The following PTPRR variants were observed in gnomAD, a reference collection of about 807,000 sequenced individuals.
The protein encoded by PTPRR is protein tyrosine phosphatase receptor type R.
Under a neutral mutation model 77.2 loss-of-function variants are expected in PTPRR, and 38 were observed. That is an observed-to-expected ratio of 0.49 (90% CI 0.38 to 0.65). The LOEUF (loss-of-function observed/expected upper bound fraction) is 0.65. PTPRR is among the 30% of genes least tolerant of loss of function. The pLI, the probability that PTPRR is intolerant of heterozygous loss-of-function variation, is 0.00. For missense variants in PTPRR, 744 were observed against 799.2 expected (o/e 0.93, Z 0.83); for synonymous variants, 299 against 283.1 (o/e 1.06, Z -0.57).
At chr12:70,821,602 A>T (rs1015580629) in intron 2 of PTPRR, among the ~76,000 whole-genome samples, 3 of 152,008 alleles carry the variant, frequency 2.0e-5, no homozygotes, top group Non-Finnish European at 2.9e-5. Context: ...AGGCTAGTGC[A>T]GCTGGAGCTT....
intron 6 of PTPRR, among the ~76,000 whole-genome samples, chr12:70,731,050 C>CAGGAAGGAAGGAGGAAGGCAAG (rs1889640429): frequency 1.8e-5 from 1 of 54,908 alleles, no homozygotes; most frequent in Non-Finnish European, 3.8e-5. Context: ...AGGAAGGAGA[C>CAGGAAGGAAGGAGGAAGGCAAG]AGAGAGGAAG....
intron 2 of PTPRR, among the ~76,000 whole-genome samples, chr12:70,857,349 A>C (rs1892670944): frequency 6.6e-6 from 1 of 152,106 alleles, no homozygotes; most frequent in Admixed American, 6.6e-5. Context: ...AGAAGCGAAC[A>C]TTTAACTGTC....
intron 2 of PTPRR, among the ~76,000 whole-genome samples, chr12:70,872,965 T>G (rs1892987496): frequency 6.6e-6 from 1 of 152,178 alleles, no homozygotes; most frequent in African/African-American, 2.4e-5. Flanking sequence ...GTGTTTTAAT[T>G]TATTTGATCA....
chr12:70,878,595 G>A (rs1273143308), intron 2 of PTPRR, among the ~76,000 whole-genome samples: 3 of 152,142 alleles, frequency 2.0e-5, no homozygotes, highest in Non-Finnish European at 2.9e-5. Flanking sequence ...AAAAAGTCAC[G>A]AAACAGCAGG....
intron 2 of PTPRR, among the ~76,000 whole-genome samples, chr12:70,808,772 C>T (rs1401934193): frequency 1.3e-5 from 2 of 152,130 alleles, no homozygotes; most frequent in Non-Finnish European, 2.9e-5. Flanking sequence ...TTGCCTCTTC[C>T]TCAGACATGC....
chr12:70,868,088 A>G (rs1361247741), intron 2 of PTPRR, among the ~76,000 whole-genome samples: 2 of 152,126 alleles, frequency 1.3e-5, no homozygotes, highest in Admixed American at 6.6e-5. Flanking sequence ...AAAACCCTAG[A>G]CGAAAACCTA....
At chr12:70,681,130 G>A (rs73329571) in intron 10 of PTPRR, among the ~76,000 whole-genome samples, 1 of 152,170 alleles carries the variant, frequency 6.6e-6, no homozygotes, top group Non-Finnish European at 1.5e-5. Flanking sequence ...TTGTTCCCAG[G>A]GGGTAGGGAG....
At chr12:70,752,217 A>C (rs1890423053) in intron 5 of PTPRR, among the ~76,000 whole-genome samples, 1 of 152,146 alleles carries the variant, frequency 6.6e-6, no homozygotes. Flanking sequence ...CAACAAATAG[A>C]CCCGCAGAGA....
chr12:70,776,021 T>A (rs1891080047), intron 2 of PTPRR, among the ~76,000 whole-genome samples: 1 of 152,180 alleles, frequency 6.6e-6, no homozygotes, highest in African/African-American at 2.4e-5. Flanking sequence ...ATTACACATT[T>A]CCACCTTTCT....
At chr12:70,895,587 T>A (rs374480706) in intron 1 of PTPRR, among the ~76,000 whole-genome samples, 9 of 151,488 alleles carry the variant, frequency 5.9e-5, no homozygotes, top group African/African-American at 2.2e-4. Flanking sequence ...AGAAAAAAAA[T>A]TTCATAGTGC....
intron 2 of PTPRR, among the ~76,000 whole-genome samples, chr12:70,857,421 T>C: frequency 6.6e-6 from 1 of 152,144 alleles, no homozygotes; most frequent in East Asian, 1.9e-4. Context: ...GAATCCATAC[T>C]GTAGTGGATT....
At chr12:70,792,167 T>G (rs149268319) in intron 2 of PTPRR, among the ~76,000 whole-genome samples, 86 of 152,324 alleles carry the variant, frequency 5.6e-4, no homozygotes, top group African/African-American at 1.9e-3. Flanking sequence ...AATGGTCTAC[T>G]ACGTCAGAGG....
intron 2 of PTPRR, among the ~76,000 whole-genome samples, chr12:70,813,369 T>C (rs1224539758): frequency 6.6e-6 from 1 of 152,002 alleles, no homozygotes; most frequent in Non-Finnish European, 1.5e-5. Flanking sequence ...CCAAAAATTC[T>C]GTGCATCTCA....
At chr12:70,740,015 C>T (rs925796352) in intron 6 of PTPRR, among the ~76,000 whole-genome samples, 1 of 152,002 alleles carries the variant, frequency 6.6e-6, no homozygotes, top group Non-Finnish European at 1.5e-5. Flanking sequence ...ATGGTCTATG[C>T]CTTATTCTGT....
chr12:70,861,249 G>C (rs1292256369), intron 2 of PTPRR, among the ~76,000 whole-genome samples: 1 of 152,092 alleles, frequency 6.6e-6, no homozygotes, highest in Non-Finnish European at 1.5e-5. Context: ...GAAGATTCCA[G>C]CTAAGGAGAA....
intron 12 of PTPRR, among the ~76,000 whole-genome samples, chr12:70,660,214 A>AAATG (rs397743103): frequency 1.3e-5 from 2 of 151,294 alleles, no homozygotes; most frequent in African/African-American, 2.4e-5. Flanking sequence ...ATAAATAAAT[A>AAATG]GTTGTTCATA....
chr12:70,688,280 A>G (rs1343350822), intron 8 of PTPRR, among the ~76,000 whole-genome samples: 1 of 152,204 alleles, frequency 6.6e-6, no homozygotes, highest in Non-Finnish European at 1.5e-5. Flanking sequence ...ACAGATTGGG[A>G]GAAAATATTT....
chr12:70,774,065 T>C (rs1245280709), intron 2 of PTPRR, among the ~76,000 whole-genome samples: 1 of 152,220 alleles, frequency 6.6e-6, no homozygotes, highest in Non-Finnish European at 1.5e-5. Flanking sequence ...TGTTTTCATC[T>C]CTGCCAGACT....
intron 7 of PTPRR, among the ~76,000 whole-genome samples, chr12:70,698,555 T>C (rs1447786531): frequency 6.6e-6 from 1 of 152,150 alleles, no homozygotes; most frequent in African/African-American, 2.4e-5. Context: ...CAGCTCTGTG[T>C]GTTAGAAAAT....
Sources: allele counts gnomAD v4.1 joint callset (sites outside exome capture counted in the v4.1 genomes callset), GRCh38; gene constraint gnomAD v4.1.1; transcripts MANE v1.5; gene names NCBI Gene and HGNC (gene_info 2026-07-23, HGNC 2026-07-21).